The following PSMD12 variants were observed in gnomAD, a reference collection of about 807,000 sequenced individuals.
The protein encoded by PSMD12 is 26S proteasome non-ATPase regulatory subunit 12.
A neutral mutation model predicts 62.9 loss-of-function variants in PSMD12; 8 were observed. The observed-to-expected ratio is 0.13, with a 90% CI of 0.07 to 0.23. The LOEUF is 0.23. Among genes scored for constraint, PSMD12 ranks in the 10% least tolerant of loss-of-function variants. PSMD12 has a pLI of 1.00. For missense variants in PSMD12, 424 were observed against 550.2 expected (o/e 0.77, Z 2.29); for synonymous variants, 173 against 187.4 (o/e 0.92, Z 0.63).
At position 67,356,756 on chromosome 17, in the gene PSMD12, A is replaced by G. The variant is rs2042078765; in HGVS notation, c.297+547T>C. On this transcript the variant is annotated intron_variant, in intron 3 of 10. Transcript: ENST00000356126. ...CTAGGCACAGGGACTCATGCCTGTA[A>G]TTCTAGCATTTTGAGAGGCCAAGGC... is the stretch of plus-strand genomic sequence containing the variant. 2.6e-5 allele frequency among the ~76,000 whole-genome samples: 4 copies of G among 152,168 alleles called. 1 individual carries two copies. The South Asian group carries it at 8.3e-4, about 32-fold the overall frequency.
chr17:67,355,796 CA>C (rs1324071405), intron 3 of PSMD12, among the ~76,000 whole-genome samples: 1 of 152,004 alleles, frequency 6.6e-6, no homozygotes, highest in Non-Finnish European at 1.5e-5. Flanking sequence ...AATCTCTAAA[CA>C]AAATGAGCAA....
In PSMD12 at chr17:67,357,555, A is replaced by G; in HGVS notation, c.132T>C (p.Ile44=). 6.2e-7 allele frequency: 1 copy of G among 1,613,838 alleles called. No homozygotes were observed. The change falls in exon 2 of 11, where the codon ATT becomes ATC. Residue 44 remains isoleucine (I), a synonymous_variant. Coordinates refer to ENST00000356126, the MANE Select transcript of PSMD12 (RefSeq NM_002816.5). The part of the protein sequence containing the change: ...LAKEGRLQEV[I]ETLLSLEKQT... ...GCTTTTCCAGAGAGAGAAGGGTTTC[A>G]ATGACTTCTTGAAGTCTTCCTTCCT...
chr17:67,356,557 CAAA>C (rs35353017), intron 3 of PSMD12, among the ~76,000 whole-genome samples: 8 of 14,984 alleles, frequency 5.3e-4, no homozygotes, highest in African/African-American at 8.0e-4. Flanking sequence ...GACTCCGTCT[CAAA>C]AAAAAAAAAA....
rs2041891110 is a variant in PSMD12 at position 67,339,545 on chromosome 17, A to G, written c.*1298T>C. The G allele has an allele frequency of 6.6e-6, 1 of 152,242 alleles. No homozygotes were observed. The highest frequency in any genetic ancestry group is 6.5e-5 in the Admixed American group (1 of 15,278). 9.4% of individuals were successfully genotyped at this position (152,242 alleles called of 1,614,324 possible). ...ATGACTCACAGGATAAATATGACAG[A>G]TATCCCACAACTGTCTTCAGTCCTG... On this transcript the variant is annotated 3_prime_UTR_variant, in exon 11 of 11. Transcript: ENST00000356126.
In PSMD12 at chr17:67,357,570, T is replaced by C. The variant is rs1567959519; in HGVS notation, c.117A>G (p.Arg39=). The C allele has an allele frequency of 1.2e-6, 2 of 1,612,734 alleles. No individual in the cohort carries two copies. Among genetic ancestry groups the C allele is most frequent in the Non-Finnish European group, 8.5e-7 (1 of 1,178,886 alleles). Residue 39 remains arginine (R), a synonymous_variant, in exon 2 of 11, where the codon AGA becomes AGG. Coordinates refer to ENST00000356126, the MANE Select transcript of PSMD12 (RefSeq NM_002816.5). ...PECAKLAKEG[R]LQEVIETLLS... Reference sequence around the variant, plus strand: ...GAAGGGTTTCAATGACTTCTTGAAGTCTTCCTTCCTAAAACAAAAGATGAA... The same window carrying C: ...GAAGGGTTTCAATGACTTCTTGAAGCCTTCCTTCCTAAAACAAAAGATGAA...
At chr17:67,358,582 A>G (rs531934595) in intron 1 of PSMD12, among the ~76,000 whole-genome samples, 15 of 150,266 alleles carry the variant, frequency 1.0e-4, no homozygotes, top group East Asian at 7.7e-4. Context: ...AAAAAAAAAA[A>G]AAAAGAAAAG....
Position 67,347,469 on chromosome 17 carries a change from G to A in PSMD12, c.527C>T (p.Ser176Leu). 6.2e-7 allele frequency: 1 copy of A among 1,613,236 alleles called. No homozygotes were observed. Among genetic ancestry groups the A allele is most frequent in the Non-Finnish European group, 8.5e-7 (1 of 1,179,904 alleles). Residue 176 changes from serine to leucine, a missense_variant, in exon 6 of 11, where the codon TCA becomes TTA. Ser to Leu is a moderately radical substitution (Grantham distance 145). Coordinates refer to ENST00000356126, the MANE Select transcript of PSMD12 (RefSeq NM_002816.5). ...LQELQVETYG[S>L]MEKKERVEFI... ...TTCCACTCGCTCTTTCTTTTCCATTGACCCGTAGGTTTCCACCTAGCACAG... is the reference window on the plus strand; with the variant it reads ...TTCCACTCGCTCTTTCTTTTCCATTAACCCGTAGGTTTCCACCTAGCACAG...
In PSMD12 at chr17:67,350,820, G is replaced by A. The variant is rs528017442; in HGVS notation, c.298-484C>T. Among the ~76,000 whole-genome samples the A allele has an allele frequency of 2.0e-5, 3 of 152,308 alleles. No individual in the cohort carries two copies. The South Asian group carries it at 6.2e-4, about 32-fold the overall frequency. On this transcript the variant is annotated intron_variant, in intron 3 of 10. Coordinates refer to ENST00000356126, the MANE Select transcript of PSMD12 (RefSeq NM_002816.5). Reference sequence around the variant, plus strand: ...CCTCACAGGTTATATCAAGGGGCTAGAATACACTCCCTTCAGCACTAACAT... The same window carrying A: ...CCTCACAGGTTATATCAAGGGGCTAAAATACACTCCCTTCAGCACTAACAT...
intron 3 of PSMD12, among the ~76,000 whole-genome samples, chr17:67,351,558 G>A (rs887123924): frequency 3.3e-5 from 5 of 151,892 alleles, no homozygotes; most frequent in African/African-American, 9.7e-5. Context: ...AGCAGCTCAG[G>A]CTAAATGTTT....
chr17:67,352,966 A>G (rs1282952353), intron 3 of PSMD12, among the ~76,000 whole-genome samples: 1 of 152,210 alleles, frequency 6.6e-6, no homozygotes, highest in East Asian at 1.9e-4. Context: ...TGCCTCCTTT[A>G]AATGAAAAGG....
chr17:67,349,690 A>G (rs2042000257), intron 4 of PSMD12, among the ~76,000 whole-genome samples: 1 of 152,248 alleles, frequency 6.6e-6, no homozygotes, highest in South Asian at 2.1e-4. Context: ...GCTAGGTATT[A>G]AAGTTGTTAA....
At chr17:67,362,994 G>A (rs1342487866) in intron 1 of PSMD12, 1 of 152,198 alleles carries the variant, frequency 6.6e-6, no homozygotes, top group African/African-American at 2.4e-5. Flanking sequence ...TGCAACATGG[G>A]TGTTAGGACA....
At chr17:67,360,831 TCTTA>T (rs1223637379) in intron 1 of PSMD12, among the ~76,000 whole-genome samples, 1 of 152,230 alleles carries the variant, frequency 6.6e-6, no homozygotes, top group Non-Finnish European at 1.5e-5. Flanking sequence ...GATTCCTGAT[TCTTA>T]CTGTCACAAT....
At chr17:67,363,886 C>T (rs774886819) in intron 1 of PSMD12, among the ~76,000 whole-genome samples, 17 of 151,932 alleles carry the variant, frequency 1.1e-4, no homozygotes, top group Admixed American at 8.5e-4. Flanking sequence ...CCCGTCTCTA[C>T]TAAAAATACA....
At chr17:67,363,237 G>GCC (rs1414083927) in intron 1 of PSMD12, among the ~76,000 whole-genome samples, 1 of 151,934 alleles carries the variant, frequency 6.6e-6, no homozygotes, top group Non-Finnish European at 1.5e-5. Context: ...CTGCAACCTC[G>GCC]AACTACTGCG....
rs531569139 is a variant in PSMD12, at chr17:67,359,274, G to A, written c.109-1696C>T. ...GGAGGCTGAGGCGGAAGAATCACTT[G>A]AGTGCAAGAGTTTGAGGCTGCAGTG... On this transcript the variant is annotated intron_variant, in intron 1 of 10. Coordinates refer to ENST00000356126, the MANE Select transcript of PSMD12 (RefSeq NM_002816.5). Among the ~76,000 whole-genome samples, 224 of 152,298 alleles carry A rather than the reference G, an allele frequency of 1.5e-3. 1 individual carries two copies. Among genetic ancestry groups the A allele is most frequent in the African/African-American group, 5.1e-3 (213 of 41,576 alleles).
chr17:67,358,889 T>A (rs1018504175), intron 1 of PSMD12, among the ~76,000 whole-genome samples: 35 of 152,116 alleles, frequency 2.3e-4, no homozygotes, highest in South Asian at 2.1e-4. Flanking sequence ...CCTCTCCACA[T>A]CTCTAACTCA....
At chr17:67,350,025 T>C (rs949246722) in intron 4 of PSMD12, among the ~76,000 whole-genome samples, 1 of 152,192 alleles carries the variant, frequency 6.6e-6, no homozygotes, top group East Asian at 1.9e-4. Context: ...AATCTAGATA[T>C]ACCATGGCTG....
At chr17:67,366,309 G>T in intron 1 of PSMD12, 103 bp downstream of exon 1, 2 of 1,111,772 alleles carry the variant, frequency 1.8e-6, no homozygotes, top group Non-Finnish European at 2.6e-6. Flanking sequence ...GACAGGCATT[G>T]GGGGGTGCAC....
Sources: allele counts gnomAD v4.1 joint callset (sites outside exome capture counted in the v4.1 genomes callset), GRCh38; gene constraint gnomAD v4.1.1; transcripts MANE v1.5; gene names NCBI Gene and HGNC (gene_info 2026-07-23, HGNC 2026-07-21).